AP3B1: variants seen among roughly 807,000 people sequenced by gnomAD.
AP3B1 encodes adaptor related protein complex 3 subunit beta 1, also known as AP-3 complex subunit beta-1.
A neutral mutation model predicts 132.5 loss-of-function variants in AP3B1; 61 were observed. That is an observed-to-expected ratio of 0.46 (90% confidence interval 0.37 to 0.57). The LOEUF (loss-of-function observed/expected upper bound fraction) is 0.57, where lower values mean the gene tolerates loss of function less well. Ranked by LOEUF, AP3B1 falls within the 20% of genes least tolerant of loss-of-function variation. The pLI is 0.00. For missense variants in AP3B1, 1,120 were observed against 1,289.4 expected, an observed-to-expected ratio of 0.87 and a Z score of 2.01; for synonymous variants, 388 against 438.3, an observed-to-expected ratio of 0.89 and a Z score of 1.43.
At chr5:78,281,730 G>A (rs1749065667) in intron 1 of AP3B1, among the ~76,000 whole-genome samples, 1 of 152,098 alleles carries the variant, frequency 6.6e-6, no homozygotes, top group African/African-American at 2.4e-5. Flanking sequence ...GTGTATGTAG[G>A]AATAGGAGAG....
At chr5:78,211,171 A>G (rs1400864979) in intron 7 of AP3B1, among the ~76,000 whole-genome samples, 1 of 152,114 alleles carries the variant, frequency 6.6e-6, no homozygotes, top group Non-Finnish European at 1.5e-5. Context: ...ATAGTCAAGC[A>G]CCCTCTTAAC....
chr5:78,153,813 C>T lies in AP3B1; in HGVS notation c.1473+2445G>A, dbSNP rs535900484. ...TTTAAACTGATGACAACACTGATTG[C>T]ATACACAATCAAGCAAAAAGGAAAC... On this transcript the variant is annotated intron_variant, in intron 14 of 26. Coordinates refer to ENST00000255194, the MANE Select transcript of AP3B1 (RefSeq NM_003664.5). Among the ~76,000 whole-genome samples, 20 of 152,256 alleles carry T rather than the reference C, an allele frequency of 1.3e-4. No homozygotes were observed. The South Asian group carries it at 2.1e-3, about 16-fold the overall frequency.
chr5:78,161,192 A>C (rs894665594), intron 13 of AP3B1, among the ~76,000 whole-genome samples: 23 of 152,034 alleles, frequency 1.5e-4, no homozygotes, highest in African/African-American at 5.3e-4. Context: ...TTATCTTTTA[A>C]AGTCAATAAA....
rs575051511 is a variant in AP3B1 at position 78,232,982 on chromosome 5, C to A, written c.280-4743G>T. On this transcript the variant is annotated intron_variant, in intron 3 of 26. Coordinates refer to ENST00000255194, the MANE Select transcript of AP3B1 (RefSeq NM_003664.5). ...TCGGCCTCCCAAAGTGCTAGGATTA[C>A]TGGCGTGAGCCACCACACCCGGCCG... Among the ~76,000 whole-genome samples, 8 of 152,316 alleles carry A rather than the reference C, an allele frequency of 5.3e-5. No individual in the cohort carries two copies. In the East Asian group the frequency reaches 1.5e-3, roughly 29 times the overall value.
At chr5:78,230,342 T>C (rs1270001620) in intron 3 of AP3B1, among the ~76,000 whole-genome samples, 6 of 152,342 alleles carry the variant, frequency 3.9e-5, no homozygotes, top group African/African-American at 1.4e-4. Flanking sequence ...GAAAACTTAA[T>C]GAGCAAACAA....
chr5:78,197,337 C>T (rs1228625531), intron 7 of AP3B1, among the ~76,000 whole-genome samples: 4 of 151,856 alleles, frequency 2.6e-5, no homozygotes, highest in African/African-American at 7.2e-5. Context: ...AAAACATTCA[C>T]TTTCAGAAGA....
chr5:78,214,735 T>C (rs1745884397), intron 7 of AP3B1, among the ~76,000 whole-genome samples: 1 of 152,188 alleles, frequency 6.6e-6, no homozygotes, highest in Non-Finnish European at 1.5e-5. Context: ...GAGATGTTCC[T>C]TAATCTAGCA....
intron 1 of AP3B1, among the ~76,000 whole-genome samples, chr5:78,294,243 G>A (rs1749656034): frequency 1.3e-5 from 2 of 152,040 alleles, no homozygotes; most frequent in South Asian, 4.1e-4. Flanking sequence ...AAAACTACTA[G>A]AGACCCCTAC....
chr5:78,266,312 A>G (rs1392303941), intron 2 of AP3B1, among the ~76,000 whole-genome samples: 1 of 152,212 alleles, frequency 6.6e-6, no homozygotes, highest in Non-Finnish European at 1.5e-5. Context: ...ATAGAGCATA[A>G]CATTAACAAA....
intron 7 of AP3B1, among the ~76,000 whole-genome samples, chr5:78,213,218 T>C (rs1317518839): frequency 6.6e-6 from 1 of 152,154 alleles, no homozygotes; most frequent in Non-Finnish European, 1.5e-5. Flanking sequence ...CCATGTGTAG[T>C]CGCTAAAAAG....
chr5:78,233,823 A>C (rs1029398105), intron 3 of AP3B1, among the ~76,000 whole-genome samples: 12 of 136,820 alleles, frequency 8.8e-5, no homozygotes, highest in African/African-American at 3.0e-4. Context: ...CAAGTGCAGA[A>C]TCAGGATGCA....
rs1049016340 is a variant in AP3B1 at position 78,163,674 on chromosome 5, T to TAC, written c.1231-725_1231-724dup. Among the ~76,000 whole-genome samples, 7 of 149,092 alleles carry TAC rather than the reference T, an allele frequency of 4.7e-5. 1 individual carries two copies. Among genetic ancestry groups the TAC allele is most frequent in the Admixed American group, 4.0e-4 (6 of 14,922 alleles). On this transcript the variant is annotated intron_variant, in intron 12 of 26. Coordinates refer to ENST00000255194, the MANE Select transcript of AP3B1 (RefSeq NM_003664.5). ...ATATACACACACACACATATATATA[T>TAC]ACACACACACAAATTTAAAAATAAA...
chr5:78,057,805 T>G (rs1480303994), intron 22 of AP3B1, among the ~76,000 whole-genome samples: 1 of 152,252 alleles, frequency 6.6e-6, no homozygotes, highest in Non-Finnish European at 1.5e-5. Flanking sequence ...CAACTCTTCC[T>G]GGCCCTACTC....
intron 19 of AP3B1, among the ~76,000 whole-genome samples, chr5:78,113,450 T>C (rs1482751811): frequency 6.6e-6 from 1 of 152,170 alleles, no homozygotes; most frequent in Non-Finnish European, 1.5e-5. Flanking sequence ...CTCAGCAAAA[T>C]CGCTACAAAA....
chr5:78,041,357 G>C (rs1748079099), intron 22 of AP3B1, among the ~76,000 whole-genome samples: 1 of 151,690 alleles, frequency 6.6e-6, no homozygotes, highest in Non-Finnish European at 1.5e-5. Context: ...AGGAGTTTGA[G>C]AACCAGCCTG....
At chr5:78,125,789 G>T (rs1299245679) in intron 17 of AP3B1, among the ~76,000 whole-genome samples, 2 of 152,056 alleles carry the variant, frequency 1.3e-5, no homozygotes, top group Admixed American at 6.5e-5. Context: ...AAATTAATTT[G>T]TCTCTGTTGA....
intron 22 of AP3B1, among the ~76,000 whole-genome samples, chr5:78,056,224 T>C (rs1349102667): frequency 1.3e-5 from 2 of 152,168 alleles, no homozygotes; most frequent in South Asian, 2.1e-4. Flanking sequence ...TGGGTTATAG[T>C]TTGAACTCAG....
chr5:78,205,859 A>C (rs1745482975), intron 7 of AP3B1, among the ~76,000 whole-genome samples: 1 of 104,930 alleles, frequency 9.5e-6, no homozygotes, highest in Non-Finnish European at 2.1e-5. Context: ...TTGTCTAAAA[A>C]AATTTTTTTT....
intron 16 of AP3B1, among the ~76,000 whole-genome samples, chr5:78,128,561 AC>A (rs1000787395): frequency 2.0e-5 from 3 of 152,130 alleles, no homozygotes; most frequent in Admixed American, 6.5e-5. Flanking sequence ...TAAATAAGAA[AC>A]AATATGAAAA....
Sources: allele counts gnomAD v4.1 joint callset (sites outside exome capture counted in the v4.1 genomes callset), GRCh38; gene constraint gnomAD v4.1.1; transcripts MANE v1.5; gene names NCBI Gene and HGNC (gene_info 2026-07-23, HGNC 2026-07-21).